The following DMD variants were observed in gnomAD, a reference collection of about 807,000 sequenced individuals.
DMD encodes the protein dystrophin, also known as mutant dystrophin.
Under a neutral mutation model 330.1 loss-of-function variants are expected in DMD, and 63 were observed. The observed-to-expected ratio is 0.19, with a 90% CI of 0.16 to 0.24. The LOEUF (loss-of-function observed/expected upper bound fraction) is 0.24, where lower values mean the gene tolerates loss of function less well. Ranked by LOEUF, DMD falls within the 10% of genes least tolerant of loss-of-function variation. The pLI, the probability that DMD is intolerant of heterozygous loss-of-function variation, is 1.00. For missense variants in DMD, 3,344 were observed against 2,684.1 expected (o/e 1.25, Z -5.43); for synonymous variants, 1,223 against 959.8 (o/e 1.27, Z -5.07).
chrX:31,622,567 A>C (rs2148385256), intron 55 of DMD, among the ~76,000 whole-genome samples: 1 of 110,228 alleles, frequency 9.1e-6, no homozygotes, highest in South Asian at 3.9e-4. Context: ...AAGTGTCATC[A>C]GAGCTCTGTC....
intron 23 of DMD, among the ~76,000 whole-genome samples, chrX:32,465,421 A>G (rs1309260524): frequency 9.0e-6 from 1 of 110,994 alleles, no homozygotes; most frequent in Non-Finnish European, 1.9e-5. Context: ...TGCTCCACAG[A>G]AAGTTTCCCC....
chrX:31,530,917 T>C (rs1410488449), intron 55 of DMD, among the ~76,000 whole-genome samples: 2 of 78,351 alleles, frequency 2.6e-5, no homozygotes, highest in African/African-American at 1.1e-4. Flanking sequence ...TGAGTGAGAA[T>C]ATGCGGTGTT....
intron 29 of DMD, among the ~76,000 whole-genome samples, chrX:32,430,603 T>A (rs1380429080): frequency 8.9e-6 from 1 of 111,830 alleles, no homozygotes; most frequent in East Asian, 2.8e-4. Flanking sequence ...CTTAGCAAAG[T>A]TTAAGTAAAT....
At chrX:31,469,634 G>A (rs979528239) in intron 59 of DMD, among the ~76,000 whole-genome samples, 15 of 111,268 alleles carry the variant, frequency 1.3e-4, no homozygotes, top group Non-Finnish European at 9.4e-5. Context: ...TGGTGAATCC[G>A]ATTATTATGT....
intron 7 of DMD, among the ~76,000 whole-genome samples, chrX:32,774,501 A>C (rs1282628771): frequency 8.9e-6 from 1 of 111,798 alleles, no homozygotes; most frequent in African/African-American, 3.3e-5. Context: ...ATTGATTCAC[A>C]GTTCCGCATG....
Position 31,368,615 on chromosome X carries a change from C to T in DMD, c.9085-19981G>A. Among the ~76,000 whole-genome samples, 3 of 110,759 alleles carry T rather than the reference C, an allele frequency of 2.7e-5. No individual in the cohort carries two copies. The Admixed American group carries it at 2.9e-4, about 11-fold the overall frequency. ...CTTCATTCTTCTTGTTCTCTTATTC[C>T]TGCTTCTTAGAATTACTTGCACCCA... On this transcript the variant is annotated intron_variant, in intron 60 of 78. Transcript: ENST00000357033.
At chrX:32,876,964 C>T (rs752526089) in intron 2 of DMD, among the ~76,000 whole-genome samples, 2 of 112,258 alleles carry the variant, frequency 1.8e-5, no homozygotes, top group South Asian at 3.7e-4. Flanking sequence ...GATTTATAAT[C>T]AATACCATTG....
chrX:32,346,853 C>T (rs1307869126), intron 38 of DMD, among the ~76,000 whole-genome samples: 1 of 111,391 alleles, frequency 9.0e-6, no homozygotes, highest in African/African-American at 3.3e-5. Context: ...CTAATATAGT[C>T]GCATATATGA....
intron 15 of DMD, among the ~76,000 whole-genome samples, chrX:32,570,664 T>A (rs2052314945): frequency 8.9e-6 from 1 of 111,778 alleles, no homozygotes; most frequent in East Asian, 2.8e-4. Flanking sequence ...ATTTTAAGTC[T>A]GATACTAATG....
At chrX:32,840,001 G>A (rs779171827) in intron 4 of DMD, among the ~76,000 whole-genome samples, 32 of 111,873 alleles carry the variant, frequency 2.9e-4, no homozygotes, top group East Asian at 8.5e-4. Flanking sequence ...GAGCCACCGC[G>A]CCCAGCCTAG....
At chrX:32,645,921 G>A (rs1474224963) in intron 9 of DMD, among the ~76,000 whole-genome samples, 1 of 111,814 alleles carries the variant, frequency 8.9e-6, no homozygotes, top group Non-Finnish European at 1.9e-5. Flanking sequence ...AGAAGATCCA[G>A]GGTACCTGTT....
chrX:32,501,708 T>C lies in DMD; in HGVS notation c.2380+47A>G, dbSNP rs67750310. ...CAGCTGATAAATATGAACCTATGTG[T>C]TTATCAAATCCCTAAGAAGATTATC... On this transcript the variant is annotated intron_variant, in intron 19 of 78. Coordinates refer to ENST00000357033, the MANE Select transcript of DMD (RefSeq NM_004006.3). 2.3e-3 allele frequency: 2,308 copies of C among 985,308 alleles called. 38 individuals are homozygous for C. The African/African-American group carries it at 0.038, about 16-fold the overall frequency. The allele number at this position is 985,308 out of a possible 1,213,427, so 81.2% of individuals were successfully genotyped here. A position where few individuals can be genotyped will look rare whatever the true frequency, so the allele number is the denominator to read the frequency against.
At chrX:32,859,527 G>A (rs1240826320) in intron 2 of DMD, among the ~76,000 whole-genome samples, 1 of 102,775 alleles carries the variant, frequency 9.7e-6, no homozygotes, top group Non-Finnish European at 2.0e-5. Flanking sequence ...AAGTCTTTTC[G>A]ATAATATAAA....
chrX:31,298,863 A>G (rs2054404623), intron 62 of DMD, among the ~76,000 whole-genome samples: 1 of 112,226 alleles, frequency 8.9e-6, no homozygotes, highest in Admixed American at 9.5e-5. Flanking sequence ...TTTAAAAAAA[A>G]TTCTATGTAG....
chrX:33,129,722 C>T (rs1020267182), intron 1 of DMD, among the ~76,000 whole-genome samples: 1 of 110,107 alleles, frequency 9.1e-6, no homozygotes, highest in Non-Finnish European at 1.9e-5. Context: ...GTACCGTATT[C>T]CCTTGTCTAC....
chrX:32,757,733 T>G (rs1195130383), intron 7 of DMD, among the ~76,000 whole-genome samples: 2 of 112,186 alleles, frequency 1.8e-5, no homozygotes. Context: ...TATGAGTCAA[T>G]TAAACCTTTC....
At chrX:31,420,478 A>T (rs899828712) in intron 60 of DMD, among the ~76,000 whole-genome samples, 3 of 112,599 alleles carry the variant, frequency 2.7e-5, no homozygotes, top group African/African-American at 9.7e-5. Context: ...TATTACCTCT[A>T]CAAGTAGGAA....
intron 47 of DMD, among the ~76,000 whole-genome samples, chrX:31,897,363 A>G (rs1393958089): frequency 9.2e-5 from 10 of 108,333 alleles, no homozygotes; most frequent in Non-Finnish European, 1.9e-4. Flanking sequence ...TGCTATTGTG[A>G]ATAGCGCCGC....
At chrX:32,395,525 A>G (rs1175384264) in intron 30 of DMD, among the ~76,000 whole-genome samples, 3 of 111,599 alleles carry the variant, frequency 2.7e-5, no homozygotes, top group African/African-American at 9.8e-5. Context: ...TACATACGTA[A>G]CAAACCTGCA....
Sources: allele counts gnomAD v4.1 joint callset (sites outside exome capture counted in the v4.1 genomes callset), GRCh38; gene constraint gnomAD v4.1.1; transcripts MANE v1.5; gene names NCBI Gene and HGNC (gene_info 2026-07-23, HGNC 2026-07-21).